PTPRA: variants seen among roughly 807,000 people sequenced by gnomAD.
The protein encoded by PTPRA is protein tyrosine phosphatase receptor type A.
A neutral mutation model predicts 104.8 loss-of-function variants in PTPRA; 25 were observed. The observed-to-expected ratio is 0.24, with a 90% CI of 0.17 to 0.33. PTPRA has a LOEUF of 0.33. Among genes scored for constraint, PTPRA ranks in the 10% least tolerant of loss-of-function variants. PTPRA has a pLI of 1.00. For missense variants in PTPRA, 765 were observed against 1,015.3 expected, an observed-to-expected ratio of 0.75 and a Z score of 3.35; for synonymous variants, 323 against 368.9, an observed-to-expected ratio of 0.88 and a Z score of 1.43.
intron 1 of PTPRA, among the ~76,000 whole-genome samples, chr20:2,915,677 T>A (rs1471962168): frequency 6.6e-6 from 1 of 152,232 alleles, no homozygotes; most frequent in Admixed American, 6.5e-5. Flanking sequence ...GATTTACCTA[T>A]GTTTTCTTCT....
chr20:2,937,368 C>T (rs564597924), intron 2 of PTPRA, among the ~76,000 whole-genome samples: 6 of 152,186 alleles, frequency 3.9e-5, no homozygotes, highest in African/African-American at 1.2e-4. Context: ...CGTGATCTGC[C>T]GGCCTCAGCC....
At chr20:2,939,604 C>A (rs2060830700) in intron 2 of PTPRA, among the ~76,000 whole-genome samples, 1 of 152,178 alleles carries the variant, frequency 6.6e-6, no homozygotes, top group Admixed American at 6.5e-5. Context: ...ACTTTCTTGT[C>A]TGTGCTTACT....
chr20:2,962,539 TAGTC>T (rs1204412224), intron 3 of PTPRA, among the ~76,000 whole-genome samples: 4 of 152,200 alleles, frequency 2.6e-5, no homozygotes, highest in East Asian at 1.9e-4. Flanking sequence ...ACATATATAA[TAGTC>T]AGCCTTCCAC....
Position 3,037,865 on chromosome 20 carries a change from A to C in PTPRA, c.2335-194A>C, listed in dbSNP as rs1456936809. On this transcript the variant is annotated intron_variant, in intron 23 of 23. Coordinates refer to ENST00000399903, the MANE Select transcript of PTPRA (RefSeq NM_001385305.1). The surrounding 1 kb of genome is among the most constrained non-coding windows in gnomAD (Gnocchi z 4.3). ...AGCTCTGGTCAGCTCTGCTTGTAGA[A>C]GGTCTGCTGCATTCAGCCCGGAAGG... Among the ~76,000 whole-genome samples, 2 of 152,198 alleles carry C rather than the reference A, an allele frequency of 1.3e-5. No homozygotes were observed. Among genetic ancestry groups the C allele is most frequent in the Admixed American group, 6.5e-5 (1 of 15,286 alleles).
At chr20:3,027,013 C>G (rs1225374727) in intron 18 of PTPRA, 108 bp from the exon 19 acceptor site, 24 of 1,250,808 alleles carry the variant, frequency 1.9e-5, no homozygotes, top group Non-Finnish European at 2.4e-5. Flanking sequence ...CAGACATGTC[C>G]TTGCCCAGCT....
chr20:2,912,809 A>C (rs1295785325), intron 1 of PTPRA, among the ~76,000 whole-genome samples: 1 of 152,238 alleles, frequency 6.6e-6, no homozygotes, highest in East Asian at 1.9e-4. Context: ...GCAGAATGCT[A>C]TGAAAATGAG....
At position 3,017,012 on chromosome 20, in the gene PTPRA, G is replaced by A. The variant is rs370774353; in HGVS notation, c.944-804G>A. 9.9e-5 allele frequency among the ~76,000 whole-genome samples: 15 copies of A among 152,148 alleles called. No individual in the cohort carries two copies. In the South Asian group the frequency reaches 2.1e-3, roughly 21 times the overall value. On this transcript the variant is annotated intron_variant, in intron 12 of 23. Coordinates refer to ENST00000399903, the MANE Select transcript of PTPRA (RefSeq NM_001385305.1). ...TATGAGTTTACAAATATTCACAGCCGAAACACACAGTATTATGTTATTTTT... is the reference window on the plus strand; with the variant it reads ...TATGAGTTTACAAATATTCACAGCCAAAACACACAGTATTATGTTATTTTT...
chr20:2,948,936 A>G (rs1281211963), intron 3 of PTPRA, among the ~76,000 whole-genome samples: 1 of 152,086 alleles, frequency 6.6e-6, no homozygotes, highest in Admixed American at 6.5e-5. Flanking sequence ...TGGGTGACAG[A>G]GCGAGACTCC....
chr20:2,931,474 T>C (rs1014427857), intron 2 of PTPRA, among the ~76,000 whole-genome samples: 8 of 152,162 alleles, frequency 5.3e-5, no homozygotes, highest in African/African-American at 1.9e-4. Flanking sequence ...AATGGTGATG[T>C]ATGTTCAGAA....
chr20:2,937,519 A>T (rs1252732703), intron 2 of PTPRA, among the ~76,000 whole-genome samples: 2 of 152,170 alleles, frequency 1.3e-5, no homozygotes, highest in Non-Finnish European at 2.9e-5. Context: ...TTCAACCATC[A>T]AACATAATCT....
rs549285298 is a variant in PTPRA, at chr20:3,008,751, A to G, written c.906+1331A>G. Among the ~76,000 whole-genome samples, 3 of 134,672 alleles carry G rather than the reference A, an allele frequency of 2.2e-5. 1 individual carries two copies. The highest frequency in any genetic ancestry group is 1.1e-4 in the African/African-American group (3 of 26,398). The allele number at this position is 134,672 out of a possible 152,430, so 88.4% of individuals were successfully genotyped here. On this transcript the variant is annotated intron_variant, in intron 11 of 23. Transcript: ENST00000399903. The stretch of plus-strand genomic sequence containing the variant: ...ACTAAAAAAAAAAAAAAAACAAAAA[A>G]AAAAAAAACAACTTAGCCGGGCGTG...
At chr20:3,005,022 C>G (rs749163424) in intron 9 of PTPRA, 34 bp from the exon 10 acceptor site, 1 of 1,527,886 alleles carries the variant, frequency 6.5e-7, no homozygotes, top group Non-Finnish European at 9.1e-7. Context: ...TTTATCCCTG[C>G]TAATAATTCC....
chr20:2,954,376 G>A (rs561740999), intron 3 of PTPRA, among the ~76,000 whole-genome samples: 2 of 152,078 alleles, frequency 1.3e-5, no homozygotes, highest in South Asian at 2.1e-4. Context: ...ACCACACCTG[G>A]CCCCCAGCTA....
At chr20:2,920,373 A>G (rs1488447804) in intron 1 of PTPRA, among the ~76,000 whole-genome samples, 2 of 152,196 alleles carry the variant, frequency 1.3e-5, no homozygotes, top group Non-Finnish European at 2.9e-5. Flanking sequence ...AATCACCTGT[A>G]GTGCTTAAAA....
At chr20:2,939,411 C>T (rs1041619416) in intron 2 of PTPRA, among the ~76,000 whole-genome samples, 9 of 152,154 alleles carry the variant, frequency 5.9e-5, no homozygotes, top group Non-Finnish European at 1.3e-4. Context: ...AGGCGTGCCA[C>T]CTCATTATGG....
chr20:2,979,699 T>TGTTC (rs2062590552), intron 6 of PTPRA, among the ~76,000 whole-genome samples: 1 of 92,880 alleles, frequency 1.1e-5, no homozygotes, highest in African/African-American at 1.5e-4. Flanking sequence ...GCTAATCAGG[T>TGTTC]GTTTGTTTGT....
At chr20:2,942,471 A>C (rs952248534) in intron 2 of PTPRA, among the ~76,000 whole-genome samples, 12 of 152,018 alleles carry the variant, frequency 7.9e-5, no homozygotes, top group African/African-American at 2.9e-4. Context: ...AACAGCATAT[A>C]ATTGAGGGCT....
intron 6 of PTPRA, among the ~76,000 whole-genome samples, chr20:2,977,367 A>G (rs1157977975): frequency 6.6e-6 from 1 of 151,084 alleles, no homozygotes; most frequent in Admixed American, 6.6e-5. Context: ...GTCTAGAAAG[A>G]GTTGATATTC....
chr20:2,925,985 C>T (rs1473435317), intron 2 of PTPRA, among the ~76,000 whole-genome samples: 1 of 152,132 alleles, frequency 6.6e-6, no homozygotes, highest in East Asian at 1.9e-4. Context: ...CACAGTACTG[C>T]ATCATTTTAT....
Sources: allele counts gnomAD v4.1 joint callset (sites outside exome capture counted in the v4.1 genomes callset), GRCh38; gene constraint gnomAD v4.1.1; non-coding constraint Gnocchi (gnomAD v3.1); transcripts MANE v1.5; gene names NCBI Gene and HGNC (gene_info 2026-07-23, HGNC 2026-07-21).